AKT1S1: variants seen among roughly 807,000 people sequenced by gnomAD.
The protein encoded by AKT1S1 is AKT1 substrate 1.
In AKT1S1, 17 loss-of-function variants were observed where a neutral mutation model predicts 21.2. That is an observed-to-expected ratio of 0.80 (90% CI 0.55 to 1.20). AKT1S1 has a LOEUF of 1.20. Ranked by LOEUF, AKT1S1 falls within the 50% of genes most tolerant of loss-of-function variation. The pLI is 0.00. For missense variants in AKT1S1, 366 were observed against 368.3 expected (o/e 0.99, Z 0.05); for synonymous variants, 181 against 165.6 (o/e 1.09, Z -0.72).
intron 4 of AKT1S1, 139 bp downstream of exon 4, chr19:49,871,408 G>T (rs1036959021): frequency 1.0e-5 from 12 of 1,177,570 alleles, no homozygotes; most frequent in Non-Finnish European, 1.4e-5. Flanking sequence ...TCGTGTCCAA[G>T]AACTCGCCTC....
intron 4 of AKT1S1, among the ~76,000 whole-genome samples, chr19:49,870,769 A>G (rs1600429294): frequency 6.6e-6 from 1 of 152,326 alleles, no homozygotes; most frequent in South Asian, 2.1e-4. Context: ...AGAGCATTCA[A>G]TTAACTGTGT....
Position 49,873,557 on chromosome 19 carries a change from T to C in AKT1S1, c.-7-255A>G. On this transcript the variant is annotated intron_variant, in intron 1 of 4. Transcript: ENST00000344175. The surrounding 1 kb of genome is among the most constrained non-coding windows in gnomAD (Gnocchi z 6.9). The stretch of plus-strand genomic sequence containing the variant: ...CCAAGTCACTGTACTCCTTCCCCTT[T>C]GGCCCTGCCCTGGCCTCTGTGGGAG... 1 of 602,152 alleles carries C rather than the reference T, an allele frequency of 1.7e-6. No homozygotes were observed. The highest frequency in any genetic ancestry group is 2.5e-6 in the Non-Finnish European group (1 of 392,358). 37.3% of individuals were successfully genotyped at this position (602,152 alleles called of 1,614,324 possible).
At chr19:49,878,016 G>GTCCCGGGGCAATGGCCC (rs1300483687), upstream of AKT1S1, 9 of 837,808 alleles carry the variant, frequency 1.1e-5, no homozygotes, top group African/African-American at 3.4e-5. Context: ...CCCCGCCTTG[G>GTCCCGGGGCAATGGCCC]TCCCGGGGCA....
Position 49,877,317 on chromosome 19 carries a change from T to G in AKT1S1, c.-88A>C. 1 of 213,080 alleles carries G rather than the reference T, an allele frequency of 4.7e-6. No homozygotes were observed. The allele number at this position is 213,080 out of a possible 1,614,324, so 13.2% of individuals were successfully genotyped here. A position where few individuals can be genotyped will look rare whatever the true frequency, so the allele number is the denominator to read the frequency against. On this transcript the variant is annotated 5_prime_UTR_variant, in exon 1 of 5. Coordinates refer to ENST00000344175, the MANE Select transcript of AKT1S1 (RefSeq NM_001098633.4). ...GGACAGCCCCGTATTAACATGGCCT[T>G]AGCTGACCGGCTTAGGCCATGCCCT...
chr19:49,871,856 T>G lies in AKT1S1; in HGVS notation c.413A>C (p.Gln138Pro). ...LFVMDEDATL[Q>P]DLPPFCESDP... ...TGACTCACAGAAGGGGGGAAGGTCC[T>G]GGAGGGTGGCGTCCTCATCCATCAC... Residue 138 changes from glutamine to proline, a missense_variant, in exon 3 of 5, where the codon CAG (glutamine) becomes CCG (proline). By Grantham distance (76) the Gln-to-Pro change is moderately conservative. Transcript: ENST00000344175. 6.2e-7 allele frequency: 1 copy of G among 1,612,736 alleles called. No individual in the cohort carries two copies. Among genetic ancestry groups the G allele is most frequent in the African/African-American group, 1.3e-5 (1 of 74,848 alleles).
chr19:49,872,413 C>T (rs1362813091), intron 2 of AKT1S1, among the ~76,000 whole-genome samples: 3 of 152,166 alleles, frequency 2.0e-5, no homozygotes, highest in Non-Finnish European at 2.9e-5. Context: ...CTACTAACTC[C>T]GCAAAGCCCT....
intron 4 of AKT1S1, among the ~76,000 whole-genome samples, 200 bp from the exon 5 acceptor site, chr19:49,870,260 C>A (rs955541191): frequency 2.0e-5 from 3 of 152,130 alleles, no homozygotes; most frequent in Non-Finnish European, 2.9e-5. Flanking sequence ...GGTTCAGACA[C>A]CTCCTCCACG....
chr19:49,877,871 A>C (rs1329576836), upstream of AKT1S1: 5 of 1,207,094 alleles, frequency 4.1e-6, no homozygotes, highest in African/African-American at 7.7e-5. Flanking sequence ...ATCTCTTATA[A>C]ACGCGCCGTC....
rs571029345 is a variant in AKT1S1, at chr19:49,872,986, C to T, written c.310G>A (p.Glu104Lys). 40 of 1,596,652 alleles carry T rather than the reference C, an allele frequency of 2.5e-5. 1 individual carries two copies. The South Asian group carries it at 2.8e-4, about 11-fold the overall frequency. ...PRPTLAREDN[E>K]EDEDEPTETE... ...TCTGTGGGCTCATCCTCGTCCTCCT[C>T]GTTGTCCTCTCTGGCCAGGGTAGGC... Residue 104 changes from glutamate (E) to lysine (K), a missense_variant, in exon 2 of 5, where the codon GAG becomes AAG. Coordinates refer to ENST00000344175, the MANE Select transcript of AKT1S1 (RefSeq NM_001098633.4).
At chr19:49,876,776 AC>A in intron 1 of AKT1S1, 1 of 1,205,900 alleles carries the variant, frequency 8.3e-7, no homozygotes, top group South Asian at 1.8e-5. Context: ...GAACCAGTTG[AC>A]AAGGGTGACG....
At chr19:49,876,865 C>T (rs1035487033) in intron 1 of AKT1S1, 2 of 502,440 alleles carry the variant, frequency 4.0e-6, no homozygotes, top group African/African-American at 2.0e-5. Flanking sequence ...TCCTCATATG[C>T]TCAATCATGA....
At chr19:49,877,436 C>A (rs1452453044), upstream of AKT1S1, 12 of 478,732 alleles carry the variant, frequency 2.5e-5, no homozygotes, top group South Asian at 3.6e-4. Context: ...GGTGGTGCAG[C>A]TCTCAGACCC....
At chr19:49,877,689 G>T, upstream of AKT1S1, 1 of 1,596,740 alleles carries the variant, frequency 6.3e-7, no homozygotes, top group Non-Finnish European at 8.5e-7. Context: ...CTAGGAAAAG[G>T]AGGAGGCGGG....
At chr19:49,876,301 G>A in intron 1 of AKT1S1, 1 of 1,194,230 alleles carries the variant, frequency 8.4e-7, no homozygotes, top group Non-Finnish European at 1.0e-6. Flanking sequence ...ACGGGTGAGG[G>A]GCGCCCCGAG....
At chr19:49,877,783 C>G (rs1441299396), upstream of AKT1S1, 2 of 1,567,038 alleles carry the variant, frequency 1.3e-6, no homozygotes, top group Non-Finnish European at 1.7e-6. Context: ...TCAGTGTATG[C>G]GAAACGCCCC....
At position 49,871,638 on chromosome 19, in the gene AKT1S1, T is replaced by C. The variant is rs1224872663; in HGVS notation, c.536A>G (p.Gln179Arg). 1 of 1,614,020 alleles carries C rather than the reference T, an allele frequency of 6.2e-7. No homozygotes were observed. Among genetic ancestry groups the C allele is most frequent in the Admixed American group, 1.7e-5 (1 of 60,010 alleles). Residue 179 changes from glutamine to arginine, a missense_variant, in exon 4 of 5, where the codon CAG (glutamine) becomes CGG (arginine). By Grantham distance (43) the Gln-to-Arg change is conservative. Coordinates refer to ENST00000344175, the MANE Select transcript of AKT1S1 (RefSeq NM_001098633.4). ...VPPASALPTQ[Q>R]YAKSLPVSVP... ...AGACACAGGCAGGGACTTGGCGTAC[T>C]GCTGTGTGGGTAGGGCTGAGGCTGG...
At chr19:49,876,931 G>A (rs2074954683) in intron 1 of AKT1S1, 1 of 393,778 alleles carries the variant, frequency 2.5e-6, no homozygotes, top group Admixed American at 4.5e-5. Context: ...AAACTTCTTC[G>A]ACAAAAGTAG....
chr19:49,877,965 T>C, upstream of AKT1S1: 1 of 669,306 alleles, frequency 1.5e-6, no homozygotes, highest in South Asian at 2.0e-5. Flanking sequence ...CTGCCCCCTG[T>C]GGAACGCACG....
upstream of AKT1S1, chr19:49,877,735 C>G (rs755734419): frequency 3.8e-6 from 6 of 1,598,280 alleles, no homozygotes; most frequent in South Asian, 5.7e-5. Context: ...TGGAAGGAGC[C>G]GGCTACAGGG....
Sources: gnomAD v4.1 joint callset for allele counts (sites outside exome capture counted in the v4.1 genomes callset) on GRCh38, gnomAD v4.1.1 for gene constraint, Gnocchi (gnomAD v3.1) non-coding constraint, MANE v1.5 for transcripts, NCBI Gene and HGNC (gene_info 2026-07-23, HGNC 2026-07-21) for gene names.